The following HTR4 variants were observed in gnomAD, a reference collection of about 807,000 sequenced individuals.
The protein encoded by HTR4 is 5-hydroxytryptamine (serotonin) receptor 4, G protein-coupled.
HTR4 carries 16 observed loss-of-function variants against 36.8 expected under a neutral mutation model. That is an observed-to-expected ratio of 0.43 (90% CI 0.29 to 0.66). The LOEUF is 0.66. Ranked by LOEUF, HTR4 falls within the 30% of genes least tolerant of loss-of-function variation. The pLI, the probability that HTR4 is intolerant of heterozygous loss-of-function variation, is 0.13. For missense variants in HTR4, 438 were observed against 490.9 expected (o/e 0.89, Z 1.02); for synonymous variants, 189 against 185.1 (o/e 1.02, Z -0.17).
chr5:148,644,057 AC>A (rs751741118), intron 1 of HTR4, among the ~76,000 whole-genome samples: 15 of 152,148 alleles, frequency 9.9e-5, no homozygotes, highest in Non-Finnish European at 1.9e-4. Context: ...CCTGGACCCT[AC>A]CCCAAGTTTC....
intron 2 of HTR4, among the ~76,000 whole-genome samples, chr5:148,601,021 C>T (rs879444556): frequency 1.2e-4 from 3 of 24,158 alleles, no homozygotes; most frequent in Admixed American, 6.6e-4. Flanking sequence ...TGCAATTAAA[C>T]ATTGGCTAAA....
At position 148,593,246 on chromosome 5, in the gene HTR4, G is replaced by T. The variant is rs1761640761; in HGVS notation, c.27-42984C>A. Among the ~76,000 whole-genome samples the T allele has an allele frequency of 3.9e-5, 6 of 152,174 alleles. No individual in the cohort carries two copies. The South Asian group carries it at 1.0e-3, about 26-fold the overall frequency. On this transcript the variant is annotated intron_variant, in intron 2 of 6. Coordinates refer to ENST00000377888, the MANE Select transcript of HTR4 (RefSeq NM_000870.7). ...CTTTGGTTCAGTGTGTGTCCCTTCA[G>T]AGGAGTATCAAGTTTTCTTCCGGCA...
chr5:148,645,630 A>G (rs1263915317), intron 1 of HTR4: 2 of 152,212 alleles, frequency 1.3e-5, no homozygotes, highest in African/African-American at 2.4e-5. Flanking sequence ...TATAATGGAG[A>G]TAAACATACC....
chr5:148,654,011 G>T (rs1275907092), intron 1 of HTR4, 51 bp downstream of exon 1: 3 of 971,430 alleles, frequency 3.1e-6, no homozygotes, highest in East Asian at 2.3e-4. Flanking sequence ...GTCCCCACCG[G>T]CACCCGTGGG....
intron 2 of HTR4, among the ~76,000 whole-genome samples, chr5:148,562,577 C>A (rs1474846184): frequency 6.6e-6 from 1 of 152,176 alleles, no homozygotes; most frequent in African/African-American, 2.4e-5. Flanking sequence ...GGCTTCCTTT[C>A]ATCTTCTCCT....
chr5:148,652,874 A>C (rs1463792654), intron 1 of HTR4, among the ~76,000 whole-genome samples: 1 of 152,212 alleles, frequency 6.6e-6, no homozygotes, highest in Non-Finnish European at 1.5e-5. Flanking sequence ...AAACCTGTTT[A>C]CTTTTTACTA....
At chr5:148,505,447 C>G (rs934264297) in intron 6 of HTR4, among the ~76,000 whole-genome samples, 6 of 152,288 alleles carry the variant, frequency 3.9e-5, no homozygotes, top group African/African-American at 1.4e-4. Context: ...GAAGCATTCC[C>G]TTTGAAAACT....
Position 148,531,617 on chromosome 5 carries a change from T to G in HTR4, c.354-8271A>C, listed in dbSNP as rs377009612. 4.6e-5 allele frequency among the ~76,000 whole-genome samples: 7 copies of G among 152,170 alleles called. No homozygotes were observed. In the East Asian group the frequency reaches 5.8e-4, roughly 13 times the overall value. ...GAAGTGTGTATCCAAACCCACTTAATTTTTCTAGGGATTTGGAATTCACCA... is the reference window on the plus strand; with the variant it reads ...GAAGTGTGTATCCAAACCCACTTAAGTTTTCTAGGGATTTGGAATTCACCA... On this transcript the variant is annotated intron_variant, in intron 4 of 6. Transcript: ENST00000377888.
chr5:148,627,486 C>CA (rs1245015594), intron 2 of HTR4, among the ~76,000 whole-genome samples: 1 of 152,160 alleles, frequency 6.6e-6, no homozygotes, highest in African/African-American at 2.4e-5. Flanking sequence ...CTAGAAACGT[C>CA]AGTTACACTG....
chr5:148,502,836 C>T (rs537009293), intron 6 of HTR4, among the ~76,000 whole-genome samples: 3 of 152,230 alleles, frequency 2.0e-5, no homozygotes, highest in South Asian at 2.1e-4. Context: ...ACGAGAACTA[C>T]GTGACAAATG....
chr5:148,547,526 A>AAACAT (rs1759438144), intron 4 of HTR4, among the ~76,000 whole-genome samples: 2 of 125,108 alleles, frequency 1.6e-5, no homozygotes, highest in African/African-American at 6.2e-5. Context: ...CTCAAAAAAT[A>AAACAT]AAAATAAAAT....
chr5:148,653,966 C>T (rs1224547711), intron 1 of HTR4, 96 bp downstream of exon 1: 2 of 802,824 alleles, frequency 2.5e-6, no homozygotes, highest in Non-Finnish European at 3.0e-6. Flanking sequence ...AACCCCCAAG[C>T]CCCCGACCCC....
intron 5 of HTR4, among the ~76,000 whole-genome samples, chr5:148,511,050 C>T (rs568014206): frequency 3.9e-5 from 6 of 152,300 alleles, no homozygotes; most frequent in African/African-American, 1.4e-4. Flanking sequence ...GGTGTTCACC[C>T]TAATCACTCC....
intron 5 of HTR4, among the ~76,000 whole-genome samples, chr5:148,464,098 A>G (rs1158862686): frequency 2.0e-5 from 3 of 151,966 alleles, no homozygotes; most frequent in Admixed American, 2.0e-4. Context: ...TTAACTCAAA[A>G]TGCATCATAG....
intron 2 of HTR4, among the ~76,000 whole-genome samples, chr5:148,557,992 T>C (rs1760030213): frequency 6.6e-6 from 1 of 151,788 alleles, no homozygotes; most frequent in Non-Finnish European, 1.5e-5. Flanking sequence ...AAGTGTCTCC[T>C]CTCCCACCTG....
chr5:148,628,604 A>T (rs1490579540), intron 2 of HTR4: 1 of 152,216 alleles, frequency 6.6e-6, no homozygotes, highest in Non-Finnish European at 1.5e-5. Context: ...CCGGAAGCAA[A>T]GACTTGGATT....
chr5:148,545,419 TC>T (rs1759338594), intron 4 of HTR4, among the ~76,000 whole-genome samples: 1 of 152,228 alleles, frequency 6.6e-6, no homozygotes, highest in African/African-American at 2.4e-5. Flanking sequence ...CAATGCAAGT[TC>T]TATGAGGGCA....
chr5:148,613,395 T>A, intron 2 of HTR4, among the ~76,000 whole-genome samples: 1 of 151,358 alleles, frequency 6.6e-6, no homozygotes, highest in Non-Finnish European at 1.5e-5. Context: ...TTAATAAATG[T>A]AATCCAGCAT....
At chr5:148,498,490 T>G (rs1465605102) in intron 6 of HTR4, among the ~76,000 whole-genome samples, 1 of 152,128 alleles carries the variant, frequency 6.6e-6, no homozygotes, top group Non-Finnish European at 1.5e-5. Context: ...ATCAATCAAT[T>G]GATCATCTAC....
Sources: allele counts gnomAD v4.1 joint callset (sites outside exome capture counted in the v4.1 genomes callset), GRCh38; gene constraint gnomAD v4.1.1; transcripts MANE v1.5; gene names NCBI Gene and HGNC (gene_info 2026-07-23, HGNC 2026-07-21).